Variants in SLC9C2 observed in about 807,000 individuals in gnomAD.
SLC9C2 encodes sodium/hydrogen exchanger 11.
SLC9C2 carries 75 observed loss-of-function variants against 140.2 expected under a neutral mutation model. The observed-to-expected ratio is 0.53, with a 90% CI of 0.44 to 0.65. The LOEUF is 0.65. SLC9C2 is among the 30% of genes least tolerant of loss of function. SLC9C2 has a pLI of 0.00. For synonymous variants in SLC9C2, 375 were observed against 420.9 expected (o/e 0.89, Z 1.34); for missense variants, 1,074 against 1,331.8 (o/e 0.81, Z 3.01).
intron 27 of SLC9C2, among the ~76,000 whole-genome samples, chr1:173,502,187 C>T (rs1184068733): frequency 1.4e-5 from 2 of 143,412 alleles, no homozygotes; most frequent in South Asian, 2.2e-4. Context: ...GCAGGAGAAT[C>T]GCTTGAATCC....
intron 4 of SLC9C2, among the ~76,000 whole-genome samples, chr1:173,594,322 C>G (rs1666331259): frequency 1.3e-5 from 2 of 152,098 alleles, no homozygotes; most frequent in Admixed American, 1.3e-4. Flanking sequence ...TGAATGTTCC[C>G]TACATGAAGA....
intron 7 of SLC9C2, among the ~76,000 whole-genome samples, chr1:173,579,520 G>A (rs1045116452): frequency 6.6e-6 from 1 of 151,986 alleles, no homozygotes; most frequent in African/African-American, 2.4e-5. Flanking sequence ...CAAGGTCCTG[G>A]CTCAGTTCTC....
chr1:173,531,775 T>C (rs1428113794), intron 17 of SLC9C2, among the ~76,000 whole-genome samples: 2 of 152,190 alleles, frequency 1.3e-5, no homozygotes, highest in Admixed American at 6.6e-5. Flanking sequence ...TAATACACTT[T>C]TAAATCTTTG....
Position 173,563,144 on chromosome 1 carries a change from A to G in SLC9C2, c.1047-5636T>C, listed in dbSNP as rs77240897. ...CTTGGAAGGACCTGAAGAAACAAGT[A>G]TCTGAGGAACTTTGTCACACGTGTT... On this transcript the variant is annotated intron_variant, in intron 9 of 27. Coordinates refer to ENST00000367714, the MANE Select transcript of SLC9C2 (RefSeq NM_178527.4). Among the ~76,000 whole-genome samples, 457 of 151,614 alleles carry G rather than the reference A, an allele frequency of 3.0e-3. 16 individuals carry two copies. In the East Asian group the frequency reaches 0.069, roughly 23 times the overall value.
At chr1:173,584,774 C>A (rs543344011) in intron 5 of SLC9C2, among the ~76,000 whole-genome samples, 19 of 152,194 alleles carry the variant, frequency 1.2e-4, no homozygotes, top group African/African-American at 4.1e-4. Context: ...TCTTTTCTTT[C>A]GGGGACTCAT....
chr1:173,538,477 G>A (rs1057475127), intron 13 of SLC9C2, among the ~76,000 whole-genome samples: 1 of 152,132 alleles, frequency 6.6e-6, no homozygotes, highest in Non-Finnish European at 1.5e-5. Context: ...CCTGTTTTAG[G>A]GCAATGGAGG....
chr1:173,521,421 G>A (rs527542719), intron 21 of SLC9C2, 22 bp from the exon 22 acceptor site: 13 of 1,266,682 alleles, frequency 1.0e-5, no homozygotes, highest in East Asian at 8.0e-5. Context: ...AAAAAAAAAC[G>A]AAAAGAAAAA....
intron 25 of SLC9C2, 84 bp downstream of exon 25, chr1:173,506,771 CT>C: frequency 8.7e-7 from 1 of 1,146,342 alleles, no homozygotes. Flanking sequence ...GGTTAAATTT[CT>C]TTTTAAGGTG....
At chr1:173,570,770 G>T (rs1664793268) in intron 9 of SLC9C2, among the ~76,000 whole-genome samples, 1 of 152,136 alleles carries the variant, frequency 6.6e-6, no homozygotes, top group African/African-American at 2.4e-5. Context: ...GCAGGTGCTG[G>T]CTGAGTTCAG....
chr1:173,566,607 T>C lies in SLC9C2; in HGVS notation c.1046+6575A>G, dbSNP rs1055564864. ...TCTAGGTAAAGGTTTGTCATTTTTG[T>C]TTATCTTTTCAAAAAACCAACTTTT... On this transcript the variant is annotated intron_variant, in intron 9 of 27. Transcript: ENST00000367714. Among the ~76,000 whole-genome samples, 16 of 152,176 alleles carry C rather than the reference T, an allele frequency of 1.1e-4. 1 individual carries two copies. The highest frequency in any genetic ancestry group is 1.0e-3 in the Admixed American group (16 of 15,298).
At chr1:173,559,563 C>T (rs1663955796) in intron 9 of SLC9C2, among the ~76,000 whole-genome samples, 1 of 152,244 alleles carries the variant, frequency 6.6e-6, no homozygotes, top group African/African-American at 2.4e-5. Context: ...TCTGCTGCCA[C>T]TCCCATTTGA....
rs957638235 is a variant in SLC9C2 at position 173,534,603 on chromosome 1, T to G, written c.1855A>C (p.Ile619Leu). ...FEYTGQIINL[I>L]YIYPMIIHLW... ...TGTATTATCATAGGATAAATATATATCAAATTTATAATCTGTCCTGTATAT... is the reference window on the plus strand; with the variant it reads ...TGTATTATCATAGGATAAATATATAGCAAATTTATAATCTGTCCTGTATAT... Residue 619 changes from isoleucine (I) to leucine (L), a missense_variant, in exon 16 of 28, where the codon ATA becomes CTA. Transcript: ENST00000367714. 6.9e-6 allele frequency: 11 copies of G among 1,588,136 alleles called. No homozygotes were observed. The highest frequency in any genetic ancestry group is 9.4e-6 in the Non-Finnish European group (11 of 1,168,874).
At position 173,600,143 on chromosome 1, in the gene SLC9C2, C is replaced by G. The variant is rs781711530; in HGVS notation, c.202G>C (p.Gly68Arg). 1 of 1,610,122 alleles carries G rather than the reference C, an allele frequency of 6.2e-7. No homozygotes were observed. The highest frequency in any genetic ancestry group is 1.3e-5 in the African/African-American group (1 of 74,756). Residue 68 changes from glycine to arginine, a missense_variant, in exon 3 of 28, where the codon GGA becomes CGA. By Grantham distance (125) the Gly-to-Arg change is moderately radical. Coordinates refer to ENST00000367714, the MANE Select transcript of SLC9C2 (RefSeq NM_178527.4). The part of the protein sequence containing the change: ...TILSLSGFVI[G>R]HMAYNSVEVH... ...TCAACAGAATTGTAGGCCATGTGTCCTATCACGAATCCTGATAGAGAAAGA... is the reference window on the plus strand; with the variant it reads ...TCAACAGAATTGTAGGCCATGTGTCGTATCACGAATCCTGATAGAGAAAGA...
intron 25 of SLC9C2, among the ~76,000 whole-genome samples, chr1:173,505,975 G>A (rs568549279): frequency 6.6e-6 from 1 of 152,082 alleles, no homozygotes; most frequent in Non-Finnish European, 1.5e-5. Context: ...AAGAAACTAA[G>A]CTGCAGTATT....
At chr1:173,590,230 G>A (rs142113659) in intron 4 of SLC9C2, among the ~76,000 whole-genome samples, 8,199 of 140,562 alleles carry the variant, frequency 0.058, 368 homozygotes, top group Non-Finnish European at 0.071. Flanking sequence ...GCAACAGAGT[G>A]AGACTCCATC....
chr1:173,539,881 T>C (rs1381702067), intron 13 of SLC9C2, among the ~76,000 whole-genome samples: 1 of 152,144 alleles, frequency 6.6e-6, no homozygotes, highest in African/African-American at 2.4e-5. Context: ...GTAAATGTGG[T>C]AGGTCATTAT....
In SLC9C2 at chr1:173,587,710, C is replaced by T; in HGVS notation, c.478G>A (p.Gly160Ser). The change falls in exon 5 of 28, where the codon GGC becomes AGC. Residue 160 changes from glycine to serine, a missense_variant. Transcript: ENST00000367714. The stretch of plus-strand genomic sequence containing the variant: ...ACAGAACGAAGAGGATCTATAATGC[C>T]AAGGGTGATGCTAAAGAGTAGGCAA... ...QSCLLFSITL[G>S]IIDPLRSVNS... 1 of 1,613,080 alleles carries T rather than the reference C, an allele frequency of 6.2e-7. No individual in the cohort carries two copies. The highest frequency in any genetic ancestry group is 2.2e-5 in the East Asian group (1 of 44,808).
At position 173,554,837 on chromosome 1, in the gene SLC9C2, G is replaced by A. The variant is rs1663560742; in HGVS notation, c.1216-23C>T. On this transcript the variant is annotated intron_variant, in intron 10 of 27. Transcript: ENST00000367714. Reference sequence around the variant, plus strand: ...AAACTAAAAACAAAGCACATAAATAGTTAGAACCAAAACATTAAATAAGTT... The same window carrying A: ...AAACTAAAAACAAAGCACATAAATAATTAGAACCAAAACATTAAATAAGTT... The A allele has an allele frequency of 2.9e-6, 4 of 1,386,310 alleles. No homozygotes were observed. In the East Asian group the frequency reaches 6.9e-5, roughly 24 times the overall value. The allele number at this position is 1,386,310 out of a possible 1,614,324, so 85.9% of individuals were successfully genotyped here.
chr1:173,559,045 G>T (rs1663911559), intron 9 of SLC9C2, among the ~76,000 whole-genome samples: 1 of 152,216 alleles, frequency 6.6e-6, no homozygotes. Flanking sequence ...AAGATGAAAT[G>T]AGATAATGGA....
Sources: gnomAD v4.1 joint callset for allele counts (sites outside exome capture counted in the v4.1 genomes callset) on GRCh38, gnomAD v4.1.1 for gene constraint, MANE v1.5 for transcripts, NCBI Gene and HGNC (gene_info 2026-07-23, HGNC 2026-07-21) for gene names.